Variants in CENPW observed in about 807,000 individuals in gnomAD.
CENPW encodes the protein cancer-up-regulated gene 2 protein.
In CENPW, 3 loss-of-function variants were observed where a neutral mutation model predicts 11.1. The ratio of observed to expected loss-of-function variants is 0.27; its 90% CI spans 0.12 to 0.70. CENPW has a LOEUF of 0.70. CENPW is among the 30% of genes least tolerant of loss of function. The pLI, the probability that CENPW is intolerant of heterozygous loss-of-function variation, is 0.77. For missense variants in CENPW, 100 were observed against 105.6 expected, an observed-to-expected ratio of 0.95 and a Z score of 0.23; for synonymous variants, 38 against 42.0, an observed-to-expected ratio of 0.91 and a Z score of 0.37.
At chr6:126,384,058 A>G in the CENPW span, among the ~76,000 whole-genome samples, 1 of 152,156 alleles carries the variant, frequency 6.6e-6, no homozygotes, top group Non-Finnish European at 1.5e-5. Flanking sequence ...ACTCTCTTGG[A>G]CCACAGTGCA....
chr6:126,366,681 A>C, the CENPW span, among the ~76,000 whole-genome samples: 1 of 152,324 alleles, frequency 6.6e-6, no homozygotes, highest in East Asian at 1.9e-4. Flanking sequence ...TGAAAGAGAG[A>C]CACTATCCCT....
At chr6:126,459,752 C>T in the CENPW span, among the ~76,000 whole-genome samples, 1 of 151,522 alleles carries the variant, frequency 6.6e-6, no homozygotes, top group East Asian at 1.9e-4. Context: ...TTTAAAAAAT[C>T]AGTATTAGAA....
chr6:126,437,862 TAGA>T, the CENPW span, among the ~76,000 whole-genome samples: 1 of 151,792 alleles, frequency 6.6e-6, no homozygotes, highest in South Asian at 2.1e-4. Context: ...CAGTTGATAG[TAGA>T]AGGTTAGCTT....
chr6:126,426,102 A>T, the CENPW span, among the ~76,000 whole-genome samples: 1 of 152,160 alleles, frequency 6.6e-6, no homozygotes, highest in African/African-American at 2.4e-5. Context: ...TGAATAAAAC[A>T]TATAGACACA....
the CENPW span, among the ~76,000 whole-genome samples, chr6:126,425,188 A>G: frequency 6.6e-6 from 1 of 152,096 alleles, no homozygotes; most frequent in Non-Finnish European, 1.5e-5. Context: ...ATGTTTGGAG[A>G]AGAAGAGAGC....
At chr6:126,464,445 GGA>G in the CENPW span, among the ~76,000 whole-genome samples, 1 of 152,068 alleles carries the variant, frequency 6.6e-6, no homozygotes, top group Non-Finnish European at 1.5e-5. Context: ...CAGTGCACTG[GGA>G]GAGGTAGGCC....
the CENPW span, among the ~76,000 whole-genome samples, chr6:126,458,370 A>G: frequency 6.6e-6 from 1 of 151,308 alleles, no homozygotes; most frequent in African/African-American, 2.4e-5. Context: ...AAAATATTTC[A>G]TATATTCCCC....
the CENPW span, among the ~76,000 whole-genome samples, chr6:126,405,684 G>T: frequency 1.8e-4 from 27 of 151,920 alleles, no homozygotes; most frequent in African/African-American, 4.8e-4. Flanking sequence ...TCTTTAATTG[G>T]TTTTTTATAG....
the CENPW span, among the ~76,000 whole-genome samples, chr6:126,411,690 C>T: frequency 6.6e-6 from 1 of 151,936 alleles, no homozygotes; most frequent in Non-Finnish European, 1.5e-5. Context: ...GTTCTGACTC[C>T]AAGGGTAAAG....
Position 126,340,230 on chromosome 6 carries a change from G to C in CENPW, c.-44G>C, listed in dbSNP as rs201770676. On this transcript the variant is annotated 5_prime_UTR_variant, in exon 1 of 3. Transcript: ENST00000368328. ...GTCCCCGGAGCTTGTGTGCGATACA[G>C]AGAGCACCTCGGAAGCTGAGGCAGC... The C allele has an allele frequency of 7.2e-5, 115 of 1,599,442 alleles. No homozygotes were observed. Among genetic ancestry groups the C allele is most frequent in the Admixed American group, 1.2e-4 (7 of 59,860 alleles).
the CENPW span, among the ~76,000 whole-genome samples, chr6:126,464,174 C>A: frequency 6.6e-6 from 1 of 152,024 alleles, no homozygotes; most frequent in African/African-American, 2.4e-5. Flanking sequence ...ATTTGAAAAA[C>A]AATCAGTACA....
the CENPW span, among the ~76,000 whole-genome samples, chr6:126,420,158 C>T: frequency 6.6e-6 from 1 of 152,010 alleles, no homozygotes; most frequent in Non-Finnish European, 1.5e-5. Context: ...AGGAGCCAAA[C>T]CTGGGATGGT....
chr6:126,385,816 C>T, the CENPW span, among the ~76,000 whole-genome samples: 1 of 152,104 alleles, frequency 6.6e-6, no homozygotes, highest in Non-Finnish European at 1.5e-5. Flanking sequence ...ACTGAGGTTT[C>T]CCCAGCCTTG....
At chr6:126,378,561 C>A in the CENPW span, among the ~76,000 whole-genome samples, 1 of 151,620 alleles carries the variant, frequency 6.6e-6, no homozygotes, top group Non-Finnish European at 1.5e-5. Flanking sequence ...TAATGTAAAG[C>A]TGTGATGGTA....
the CENPW span, among the ~76,000 whole-genome samples, chr6:126,405,370 G>C: frequency 1.3e-5 from 2 of 151,966 alleles, no homozygotes; most frequent in African/African-American, 2.4e-5. Flanking sequence ...CTATGTTTCT[G>C]TTTTCATGCC....
chr6:126,407,751 G>C, the CENPW span, among the ~76,000 whole-genome samples: 1 of 152,022 alleles, frequency 6.6e-6, no homozygotes, highest in African/African-American at 2.4e-5. Context: ...GTCTGTTCAC[G>C]TCCTTTGCCC....
the CENPW span, among the ~76,000 whole-genome samples, chr6:126,447,015 C>A: frequency 6.6e-6 from 1 of 151,110 alleles, no homozygotes; most frequent in Admixed American, 6.6e-5. Context: ...GAAGGAGTAA[C>A]CCAAACTAGA....
At chr6:126,412,243 C>T in the CENPW span, among the ~76,000 whole-genome samples, 1 of 151,532 alleles carries the variant, frequency 6.6e-6, no homozygotes, top group Non-Finnish European at 1.5e-5. Context: ...CCACCTCAGC[C>T]CCTCAAAATG....
At chr6:126,409,070 T>C in the CENPW span, among the ~76,000 whole-genome samples, 1 of 152,142 alleles carries the variant, frequency 6.6e-6, no homozygotes, top group African/African-American at 2.4e-5. Flanking sequence ...TTTTACTTTT[T>C]TGGTGTAGGT....
Sources: gnomAD v4.1 joint callset for allele counts (sites outside exome capture counted in the v4.1 genomes callset) on GRCh38, gnomAD v4.1.1 for gene constraint, MANE v1.5 for transcripts, NCBI Gene and HGNC (gene_info 2026-07-23, HGNC 2026-07-21) for gene names.